Variants in EIF4G3 observed in about 807,000 individuals in gnomAD.
EIF4G3 encodes the protein eIF-4-gamma 3.
A neutral mutation model predicts 186.4 loss-of-function variants in EIF4G3; 34 were observed. The observed-to-expected ratio is 0.18, with a 90% confidence interval of 0.14 to 0.24. The LOEUF (loss-of-function observed/expected upper bound fraction) is 0.24, where lower values mean the gene tolerates loss of function less well. Ranked by LOEUF, EIF4G3 falls within the 10% of genes least tolerant of loss-of-function variation. EIF4G3 has a pLI of 1.00. For missense variants in EIF4G3, 1,536 were observed against 1,948.5 expected (o/e 0.79, Z 3.99); for synonymous variants, 673 against 679.5 (o/e 0.99, Z 0.15).
chr1:21,101,534 C>T (rs1385913510), intron 2 of EIF4G3, among the ~76,000 whole-genome samples: 1 of 122,076 alleles, frequency 8.2e-6, no homozygotes, highest in Non-Finnish European at 1.6e-5. Context: ...TGCACCACTA[C>T]ACTCTAGCCT....
chr1:20,862,433 A>G (rs1020451408), intron 22 of EIF4G3, 101 bp from the exon 23 acceptor site: 13 of 731,430 alleles, frequency 1.8e-5, no homozygotes, highest in Non-Finnish European at 2.4e-5. Context: ...TTATTTTTTT[A>G]GAGATGGGGT....
At chr1:21,116,445 G>A (rs983414327) in intron 2 of EIF4G3, among the ~76,000 whole-genome samples, 1 of 152,058 alleles carries the variant, frequency 6.6e-6, no homozygotes, top group Non-Finnish European at 1.5e-5. Flanking sequence ...GACTTGTCTA[G>A]GAGGGAAATT....
chr1:21,002,573 A>G, intron 5 of EIF4G3, 140 bp downstream of exon 5: 1 of 781,508 alleles, frequency 1.3e-6, no homozygotes, highest in Non-Finnish European at 2.0e-6. Flanking sequence ...CTAACAAATA[A>G]TAGTAGGAGT....
chr1:21,163,739 T>G (rs2097802479), intron 2 of EIF4G3, among the ~76,000 whole-genome samples: 1 of 152,184 alleles, frequency 6.6e-6, no homozygotes, highest in Admixed American at 6.6e-5. Flanking sequence ...AAACAAGAGA[T>G]TAAGCAGTAT....
chr1:20,851,781 G>A (rs1226416821), intron 27 of EIF4G3, among the ~76,000 whole-genome samples: 2 of 152,132 alleles, frequency 1.3e-5, no homozygotes, highest in Admixed American at 6.5e-5. Context: ...GCTTTGGGAG[G>A]CCGAGCAGGG....
At chr1:20,932,681 G>C (rs763079690) in intron 14 of EIF4G3, among the ~76,000 whole-genome samples, 1 of 152,016 alleles carries the variant, frequency 6.6e-6, no homozygotes, top group African/African-American at 2.4e-5. Context: ...CATATTTCTC[G>C]ATCAAGTTGG....
At chr1:20,964,288 G>T (rs1364467334) in intron 12 of EIF4G3, among the ~76,000 whole-genome samples, 2 of 152,142 alleles carry the variant, frequency 1.3e-5, no homozygotes, top group Non-Finnish European at 2.9e-5. Flanking sequence ...ATAAATCTAA[G>T]TAACACAGTG....
At position 20,810,953 on chromosome 1, in the gene EIF4G3, CTTTTTTCTTTT is replaced by C; in HGVS notation, c.4598-80_4598-70del. ...CATAGAATTATCTTTAATTTTCTTTCTTTTTTCTTTTTTTGAGACAGAGCCTCACTCTATTG... is the reference window on the plus strand; with the variant it reads ...CATAGAATTATCTTTAATTTTCTTTCTTTGAGACAGAGCCTCACTCTATTG... On this transcript the variant is annotated intron_variant, in intron 35 of 36. Transcript: ENST00000602326. This position sits in a 1 kb window ranked among gnomAD's most constrained non-coding sequence, Gnocchi z 4.1. 2 of 1,486,742 alleles carry C rather than the reference CTTTTTTCTTTT, an allele frequency of 1.3e-6. No homozygotes were observed. Among genetic ancestry groups the C allele is most frequent in the Non-Finnish European group, 9.1e-7 (1 of 1,099,912 alleles). 92.1% of individuals were successfully genotyped at this position (1,486,742 alleles called of 1,614,324 possible).
chr1:20,942,104 G>A lies in EIF4G3; in HGVS notation c.1050C>T (p.Thr350=), dbSNP rs750607989. ...GTTCACATCTGTCATCTATAGCAGT[G>A]GTGAATATTGGTTGGCTACTAAGAG... The part of the protein sequence containing the change: ...SSALSSQPIF[T]TAIDDRCELS... The change falls in exon 14 of 37, where the codon ACC becomes ACT. Residue 350 remains threonine (T), a synonymous_variant. Coordinates refer to ENST00000602326, the MANE Select transcript of EIF4G3 (RefSeq NM_001391906.1). 2.5e-6 allele frequency: 4 copies of A among 1,614,120 alleles called. No homozygotes were observed. The highest frequency in any genetic ancestry group is 3.4e-6 in the Non-Finnish European group (4 of 1,180,004).
chr1:21,051,476 T>C (rs901910746), intron 3 of EIF4G3, among the ~76,000 whole-genome samples: 9 of 152,074 alleles, frequency 5.9e-5, no homozygotes, highest in Non-Finnish European at 1.5e-5. Flanking sequence ...AAAGGGTGAA[T>C]TTTACTAAAT....
intron 3 of EIF4G3, among the ~76,000 whole-genome samples, chr1:21,058,985 T>C (rs1197781186): frequency 1.3e-5 from 2 of 151,958 alleles, no homozygotes; most frequent in Non-Finnish European, 2.9e-5. Context: ...TTTTATTCTA[T>C]ATATTTTATA....
intron 12 of EIF4G3, among the ~76,000 whole-genome samples, chr1:20,969,176 G>A (rs942737941): frequency 1.3e-5 from 2 of 152,176 alleles, no homozygotes; most frequent in African/African-American, 4.8e-5. Context: ...TAATGATGAG[G>A]TTTCTACAAG....
chr1:20,928,211 T>G lies in EIF4G3; in HGVS notation c.1663+13280A>C, dbSNP rs923773632. Among the ~76,000 whole-genome samples, 65 of 152,276 alleles carry G rather than the reference T, an allele frequency of 4.3e-4. 1 individual carries two copies. The highest frequency in any genetic ancestry group is 1.4e-3 in the African/African-American group (57 of 41,554). ...TTTTATGTATACACTATATAAGTAATTGTTGTATAAATTTATTTATACAAC... is the reference window on the plus strand; with the variant it reads ...TTTTATGTATACACTATATAAGTAAGTGTTGTATAAATTTATTTATACAAC... On this transcript the variant is annotated intron_variant, in intron 14 of 36. Coordinates refer to ENST00000602326, the MANE Select transcript of EIF4G3 (RefSeq NM_001391906.1).
chr1:21,075,239 C>T (rs1315040789), intron 3 of EIF4G3, among the ~76,000 whole-genome samples: 2 of 151,958 alleles, frequency 1.3e-5, no homozygotes, highest in Non-Finnish European at 2.9e-5. Flanking sequence ...AAAAACATTA[C>T]ACACCTATAT....
At chr1:21,020,011 C>CT (rs2090289870) in intron 4 of EIF4G3, among the ~76,000 whole-genome samples, 1 of 152,200 alleles carries the variant, frequency 6.6e-6, no homozygotes, top group African/African-American at 2.4e-5. Flanking sequence ...AATGAGGGTT[C>CT]TGTTACTATT....
chr1:20,951,616 C>T (rs1221324007), intron 12 of EIF4G3, among the ~76,000 whole-genome samples: 1 of 152,068 alleles, frequency 6.6e-6, no homozygotes, highest in Non-Finnish European at 1.5e-5. Context: ...AAAGGAAACA[C>T]TCCATGTTAT....
At chr1:21,121,311 T>G (rs1361023662) in intron 2 of EIF4G3, among the ~76,000 whole-genome samples, 1 of 152,212 alleles carries the variant, frequency 6.6e-6, no homozygotes, top group East Asian at 1.9e-4. Context: ...TGTAAATACT[T>G]CCTATATTAT....
intron 2 of EIF4G3, among the ~76,000 whole-genome samples, chr1:21,145,163 T>C (rs1431926853): frequency 1.3e-5 from 2 of 152,120 alleles, no homozygotes; most frequent in African/African-American, 4.8e-5. Flanking sequence ...GTGTATTTAG[T>C]ATTTTGCATG....
intron 7 of EIF4G3, among the ~76,000 whole-genome samples, chr1:20,987,449 G>A (rs920055116): frequency 1.1e-4 from 16 of 152,204 alleles, no homozygotes; most frequent in Non-Finnish European, 1.9e-4. Flanking sequence ...AAATCCTTGT[G>A]TTGAGAAAGT....
Sources: allele counts gnomAD v4.1 joint callset (sites outside exome capture counted in the v4.1 genomes callset), GRCh38; gene constraint gnomAD v4.1.1; non-coding constraint Gnocchi (gnomAD v3.1); transcripts MANE v1.5; gene names NCBI Gene and HGNC (gene_info 2026-07-23, HGNC 2026-07-21).